Variants in PCDH9 observed in about 807,000 individuals in gnomAD.
The protein encoded by PCDH9 is protocadherin-9.
PCDH9 carries 24 observed loss-of-function variants against 70.6 expected under a neutral mutation model. The observed-to-expected ratio is 0.34, with a 90% CI of 0.25 to 0.48. PCDH9 has a LOEUF of 0.48. PCDH9 is among the 20% of genes least tolerant of loss of function. The pLI is 0.99. For synonymous variants in PCDH9, 562 were observed against 558.5 expected (o/e 1.01, Z -0.09); for missense variants, 1,281 against 1,503.6 (o/e 0.85, Z 2.45).
At chr13:66,681,516 G>T (rs561419848) in intron 3 of PCDH9, among the ~76,000 whole-genome samples, 1 of 152,054 alleles carries the variant, frequency 6.6e-6, no homozygotes, top group East Asian at 1.9e-4. Flanking sequence ...CATCTGTATT[G>T]TCTGAGCTAT....
At chr13:66,855,022 T>C (rs1224724782) in intron 3 of PCDH9, among the ~76,000 whole-genome samples, 1 of 152,124 alleles carries the variant, frequency 6.6e-6, no homozygotes, top group Non-Finnish European at 1.5e-5. Flanking sequence ...AAGACCTGAA[T>C]GCATTCCTTT....
intron 3 of PCDH9, among the ~76,000 whole-genome samples, chr13:66,863,314 G>A (rs1300831993): frequency 1.3e-5 from 2 of 152,050 alleles, no homozygotes; most frequent in Non-Finnish European, 2.9e-5. Flanking sequence ...TTGATTGTGA[G>A]GATTAATTGA....
chr13:66,432,767 A>T (rs1244034759), intron 4 of PCDH9, among the ~76,000 whole-genome samples: 1 of 152,016 alleles, frequency 6.6e-6, no homozygotes, highest in African/African-American at 2.4e-5. Flanking sequence ...GTGGATGATG[A>T]TTAGAAAACA....
chr13:66,736,897 C>T (rs35517605), intron 3 of PCDH9, among the ~76,000 whole-genome samples: 40,055 of 151,984 alleles, frequency 0.26, 5,748 homozygotes, highest in East Asian at 0.44. Flanking sequence ...ATCTTTCCCC[C>T]GATTCAACCC....
intron 3 of PCDH9, among the ~76,000 whole-genome samples, chr13:66,825,740 A>G (rs1370307322): frequency 6.6e-6 from 1 of 152,196 alleles, no homozygotes; most frequent in Non-Finnish European, 1.5e-5. Flanking sequence ...CAAAGTCAAC[A>G]TGATAAAATT....
chr13:66,441,673 C>T (rs1322061579), intron 4 of PCDH9, among the ~76,000 whole-genome samples: 2 of 151,878 alleles, frequency 1.3e-5, no homozygotes, highest in African/African-American at 4.8e-5. Flanking sequence ...CAAAAACTAC[C>T]ATTAAGCTGG....
chr13:66,964,262 C>T (rs1365705729), intron 2 of PCDH9, among the ~76,000 whole-genome samples: 1 of 151,604 alleles, frequency 6.6e-6, no homozygotes, highest in African/African-American at 2.4e-5. Flanking sequence ...GGAGTACTTC[C>T]CTCTGTGCTT....
At chr13:66,821,394 G>C (rs2080709401) in intron 3 of PCDH9, among the ~76,000 whole-genome samples, 1 of 151,920 alleles carries the variant, frequency 6.6e-6, no homozygotes. Context: ...AGAGTAATAG[G>C]GTTTATATAA....
intron 3 of PCDH9, among the ~76,000 whole-genome samples, chr13:66,860,393 T>C (rs1473877748): frequency 6.6e-6 from 1 of 152,198 alleles, no homozygotes; most frequent in Non-Finnish European, 1.5e-5. Flanking sequence ...TTCAGCTTGC[T>C]GGTGAACATA....
chr13:66,937,958 T>C (rs2082944707), intron 2 of PCDH9, among the ~76,000 whole-genome samples: 1 of 152,234 alleles, frequency 6.6e-6, no homozygotes. Flanking sequence ...TAACTCAGCT[T>C]AAGTTTTTAT....
intron 2 of PCDH9, chr13:67,223,574 T>A (rs2089780666): frequency 6.6e-6 from 1 of 152,186 alleles, no homozygotes. Context: ...AGCAACTTTT[T>A]AATCAAACTC....
At position 66,376,316 on chromosome 13, in the gene PCDH9, C is replaced by T. The variant is rs1195548646; in HGVS notation, c.3341-71288G>A. On this transcript the variant is annotated intron_variant, in intron 4 of 4. Transcript: ENST00000377865. ...TGAATGCTGAAGTGAAGTAAGTTAG[C>T]TCCTGTTCCTCAACTCTCACCAACT... Among the ~76,000 whole-genome samples, 7 of 152,110 alleles carry T rather than the reference C, an allele frequency of 4.6e-5. No individual in the cohort carries two copies. The East Asian group carries it at 1.2e-3, about 25-fold the overall frequency.
At chr13:66,722,799 C>T (rs1043484670) in intron 3 of PCDH9, among the ~76,000 whole-genome samples, 1 of 151,964 alleles carries the variant, frequency 6.6e-6, no homozygotes, top group African/African-American at 2.4e-5. Flanking sequence ...GAAACCCCAT[C>T]TCTACTAAAA....
intron 4 of PCDH9, among the ~76,000 whole-genome samples, chr13:66,396,556 G>T (rs1957104243): frequency 6.6e-6 from 1 of 150,726 alleles, no homozygotes; most frequent in African/African-American, 2.4e-5. Context: ...TCTTGTCCAT[G>T]ATCATAAATG....
At chr13:66,752,301 T>C (rs933149695) in intron 3 of PCDH9, among the ~76,000 whole-genome samples, 2 of 152,208 alleles carry the variant, frequency 1.3e-5, no homozygotes, top group African/African-American at 2.4e-5. Context: ...AAATGAAAAC[T>C]ATTGCTTTAT....
intron 4 of PCDH9, among the ~76,000 whole-genome samples, chr13:66,609,982 G>A (rs1282287202): frequency 2.2e-5 from 3 of 137,200 alleles, no homozygotes; most frequent in Non-Finnish European, 4.5e-5. Flanking sequence ...TTTTGAGACG[G>A]AGTCTCGCTC....
At chr13:66,875,055 A>C (rs961148144) in intron 3 of PCDH9, among the ~76,000 whole-genome samples, 6 of 152,066 alleles carry the variant, frequency 3.9e-5, no homozygotes, top group African/African-American at 1.4e-4. Flanking sequence ...CTTCATAAAT[A>C]CATGAAATAA....
At chr13:66,346,115 T>C (rs1956209758) in intron 4 of PCDH9, among the ~76,000 whole-genome samples, 1 of 152,162 alleles carries the variant, frequency 6.6e-6, no homozygotes, top group South Asian at 2.1e-4. Flanking sequence ...ACGACCCAAA[T>C]TATATTCAGG....
At chr13:66,495,577 A>AATACATACATACATACATACATAC (rs542362281) in intron 4 of PCDH9, among the ~76,000 whole-genome samples, 108 of 151,046 alleles carry the variant, frequency 7.2e-4, no homozygotes, top group African/African-American at 2.5e-3. Flanking sequence ...TTGCAAAATA[A>AATACATACATACATACATACATAC]ATACATACAT....
Sources: allele counts gnomAD v4.1 joint callset (sites outside exome capture counted in the v4.1 genomes callset), GRCh38; gene constraint gnomAD v4.1.1; transcripts MANE v1.5; gene names NCBI Gene and HGNC (gene_info 2026-07-23, HGNC 2026-07-21).